The following CLSTN1 variants were observed in gnomAD, a reference collection of about 807,000 sequenced individuals.
CLSTN1 encodes the protein calsyntenin-1.
Under a neutral mutation model 108.3 loss-of-function variants are expected in CLSTN1, and 28 were observed. The observed-to-expected ratio is 0.26, with a 90% CI of 0.19 to 0.35. The LOEUF (loss-of-function observed/expected upper bound fraction) is 0.35. Among genes scored for constraint, CLSTN1 ranks in the 10% least tolerant of loss-of-function variants. CLSTN1 has a pLI of 1.00. For synonymous variants in CLSTN1, 524 were observed against 534.9 expected (o/e 0.98, Z 0.28); for missense variants, 1,157 against 1,302.6 (o/e 0.89, Z 1.72).
At chr1:9,781,967 GATTTAT>G (rs1653272739) in intron 1 of CLSTN1, among the ~76,000 whole-genome samples, 1 of 152,074 alleles carries the variant, frequency 6.6e-6, no homozygotes, top group South Asian at 2.1e-4. Flanking sequence ...TATAACTGTG[GATTTAT>G]ATTGTATTGG....
At chr1:9,786,817 A>G (rs1653516983) in intron 1 of CLSTN1, among the ~76,000 whole-genome samples, 1 of 151,330 alleles carries the variant, frequency 6.6e-6, no homozygotes. Context: ...TGAGAGCTAC[A>G]TCGGGCTCCT....
Position 9,823,062 on chromosome 1 carries a change from G to A in CLSTN1, c.91+581C>T, listed in dbSNP as rs1445520080. On this transcript the variant is annotated intron_variant, in intron 1 of 18. Coordinates refer to ENST00000377298, the MANE Select transcript of CLSTN1 (RefSeq NM_001009566.3). This position sits in a 1 kb window ranked among gnomAD's most constrained non-coding sequence, Gnocchi z 6.3. ...AAACAGACAACGTCTGAAGGACTCT[G>A]GGAGGAGGCGGAAAGGGGCGAAGTC... 6.6e-6 allele frequency among the ~76,000 whole-genome samples: 1 copy of A among 152,224 alleles called. No homozygotes were observed. The highest frequency in any genetic ancestry group is 6.5e-5 in the Admixed American group (1 of 15,280).
intron 1 of CLSTN1, among the ~76,000 whole-genome samples, chr1:9,782,296 C>A (rs938710557): frequency 6.6e-6 from 1 of 152,096 alleles, no homozygotes; most frequent in Non-Finnish European, 1.5e-5. Flanking sequence ...GTTTTATACC[C>A]TATAAATGGA....
At chr1:9,754,288 G>A (rs1651707053) in intron 4 of CLSTN1, among the ~76,000 whole-genome samples, 1 of 152,170 alleles carries the variant, frequency 6.6e-6, no homozygotes, top group African/African-American at 2.4e-5. Flanking sequence ...TAGGCCGGGT[G>A]TGGTGGCTCA....
intron 9 of CLSTN1, among the ~76,000 whole-genome samples, chr1:9,741,779 G>GT (rs1185938859): frequency 6.6e-6 from 1 of 152,146 alleles, no homozygotes; most frequent in Non-Finnish European, 1.5e-5. Flanking sequence ...GGGTGTGGTG[G>GT]TGCACGCCTG....
intron 7 of CLSTN1, among the ~76,000 whole-genome samples, chr1:9,746,624 G>C (rs1651280185): frequency 6.6e-6 from 1 of 151,872 alleles, no homozygotes. Context: ...TGAGGTGGGA[G>C]AATCACTTAA....
chr1:9,752,687 C>T (rs189821492), intron 4 of CLSTN1, among the ~76,000 whole-genome samples: 1 of 152,122 alleles, frequency 6.6e-6, no homozygotes, highest in Non-Finnish European at 1.5e-5. Context: ...CATGGTGAAA[C>T]TCCGTCTCTA....
rs765802465 is a variant in CLSTN1 at position 9,744,428 on chromosome 1, T to C, written c.1201A>G (p.Lys401Glu). 16 of 1,610,430 alleles carry C rather than the reference T, an allele frequency of 9.9e-6. 1 individual carries two copies. The highest frequency in any genetic ancestry group is 8.8e-5 in the South Asian group (8 of 91,074). Reference protein sequence around the residue: ...WMRHGPFGRKKETILCSSDKT... With the variant: ...WMRHGPFGRKEETILCSSDKT... The stretch of plus-strand genomic sequence containing the variant: ...TCAGAACTGCAAAGAATTGTCTCCT[T>C]CTTCCTGCCGAATGGCCCATGTCTC... The change falls in exon 8 of 19, where the codon AAG becomes GAG. Residue 401 changes from lysine to glutamate, a missense_variant. Physicochemically the swap from Lys to Glu is moderately conservative, Grantham distance 56 (BLOSUM62 1). Coordinates refer to ENST00000377298, the MANE Select transcript of CLSTN1 (RefSeq NM_001009566.3).
intron 1 of CLSTN1, among the ~76,000 whole-genome samples, chr1:9,777,827 AAAT>A (rs1384757874): frequency 6.6e-6 from 1 of 152,154 alleles, no homozygotes; most frequent in Non-Finnish European, 1.5e-5. Context: ...AGAAAACGGC[AAAT>A]AATGTCTTAA....
chr1:9,748,418 T>C (rs1416752130), intron 7 of CLSTN1, among the ~76,000 whole-genome samples: 1 of 152,248 alleles, frequency 6.6e-6, no homozygotes, highest in African/African-American at 2.4e-5. Flanking sequence ...AGATTCTAAG[T>C]TAGATGTGGC....
intron 1 of CLSTN1, among the ~76,000 whole-genome samples, chr1:9,798,395 A>T (rs1162818650): frequency 6.6e-6 from 1 of 152,188 alleles, no homozygotes; most frequent in Non-Finnish European, 1.5e-5. Flanking sequence ...AGGAACCATA[A>T]AAGGAATGAA....
At chr1:9,800,575 A>G (rs2101267408) in intron 1 of CLSTN1, among the ~76,000 whole-genome samples, 1 of 149,748 alleles carries the variant, frequency 6.7e-6, no homozygotes, top group Admixed American at 6.7e-5. Flanking sequence ...AAAAAAAAAA[A>G]AAAAATTAGC....
chr1:9,801,976 A>G (rs1654291811), intron 1 of CLSTN1, among the ~76,000 whole-genome samples: 1 of 152,092 alleles, frequency 6.6e-6, no homozygotes, highest in African/African-American at 2.4e-5. Context: ...CAGCAAACAC[A>G]TGTTTACTAT....
chr1:9,793,020 T>C (rs1156669954), intron 1 of CLSTN1, among the ~76,000 whole-genome samples: 1 of 151,284 alleles, frequency 6.6e-6, no homozygotes, highest in African/African-American at 2.4e-5. Flanking sequence ...GATCCCTTTT[T>C]TTTTCTTTTG....
At chr1:9,750,921 T>C (rs907858508) in intron 5 of CLSTN1, among the ~76,000 whole-genome samples, 2 of 151,694 alleles carry the variant, frequency 1.3e-5, no homozygotes, top group African/African-American at 4.8e-5. Flanking sequence ...AAAAATTAGC[T>C]GGGCGTGGTG....
chr1:9,732,446 C>T (rs1309840610), intron 16 of CLSTN1, among the ~76,000 whole-genome samples: 2 of 152,204 alleles, frequency 1.3e-5, no homozygotes, highest in Non-Finnish European at 2.9e-5. Context: ...CCCCATGGGT[C>T]GTTTGGGAAG....
chr1:9,753,219 G>C (rs1651641758), intron 4 of CLSTN1, among the ~76,000 whole-genome samples: 1 of 152,210 alleles, frequency 6.6e-6, no homozygotes, highest in South Asian at 2.1e-4. Flanking sequence ...TCGCGCTCCT[G>C]TGAGAATCTG....
chr1:9,782,464 T>C (rs954418706), intron 1 of CLSTN1, among the ~76,000 whole-genome samples: 3 of 152,198 alleles, frequency 2.0e-5, no homozygotes, highest in Non-Finnish European at 4.4e-5. Flanking sequence ...AACTAAACTT[T>C]GAATGTATTA....
chr1:9,730,709 G>T lies in CLSTN1; in HGVS notation c.2749-4C>A. 1 of 1,595,196 alleles carries T rather than the reference G, an allele frequency of 6.3e-7. No individual in the cohort carries two copies. ...TGCTGTGCTGGTCCTCATAGGTCTGGCAAGGAGAAGTGACGGCCACATGAG... is the reference window on the plus strand; with the variant it reads ...TGCTGTGCTGGTCCTCATAGGTCTGTCAAGGAGAAGTGACGGCCACATGAG... On this transcript the variant is annotated splice_polypyrimidine_tract_variant and splice_region_variant and intron_variant, in intron 18 of 18. Transcript: ENST00000377298. This position sits in a 1 kb window ranked among gnomAD's most constrained non-coding sequence, Gnocchi z 5.6.
Sources: allele counts gnomAD v4.1 joint callset (sites outside exome capture counted in the v4.1 genomes callset), GRCh38; gene constraint gnomAD v4.1.1; non-coding constraint Gnocchi (gnomAD v3.1); transcripts MANE v1.5; gene names NCBI Gene and HGNC (gene_info 2026-07-23, HGNC 2026-07-21).